Variants in CHFR observed in about 807,000 individuals in gnomAD.
CHFR encodes the protein checkpoint with forkhead and ring finger domains.
A neutral mutation model predicts 87.6 loss-of-function variants in CHFR; 57 were observed. The ratio of observed to expected loss-of-function variants is 0.65; its 90% CI spans 0.53 to 0.81. The LOEUF (loss-of-function observed/expected upper bound fraction) is 0.81. CHFR is among the 30% of genes least tolerant of loss of function. CHFR has a pLI of 0.00. For missense variants in CHFR, 797 were observed against 865.8 expected (o/e 0.92, Z 1.00); for synonymous variants, 381 against 359.2 (o/e 1.06, Z -0.69).
At chr12:132,868,300 C>T (rs1420152821) in intron 6 of CHFR, among the ~76,000 whole-genome samples, 8 of 152,164 alleles carry the variant, frequency 5.3e-5, no homozygotes, top group African/African-American at 7.2e-5. Flanking sequence ...ACCATCCTGG[C>T]TAACACGGTG....
intron 6 of CHFR, chr12:132,866,158 T>C (rs1951330783): frequency 6.6e-6 from 1 of 152,182 alleles, no homozygotes; most frequent in Non-Finnish European, 1.5e-5. Flanking sequence ...TCTCCAGAAA[T>C]ATCAGGTGGA....
intron 11 of CHFR, among the ~76,000 whole-genome samples, chr12:132,852,098 T>G (rs1950960648): frequency 6.6e-6 from 1 of 151,714 alleles, no homozygotes; most frequent in South Asian, 2.1e-4. Context: ...ATTCTCCTGC[T>G]TTAGCCTCCC....
At position 132,848,154 on chromosome 12, in the gene CHFR, C is replaced by T. The variant is rs777921940; in HGVS notation, c.1578G>A (p.Glu526=). Residue 526 remains glutamate (E), a splice_region_variant and synonymous_variant, in exon 14 of 18, where the codon GAG becomes GAA. Coordinates refer to ENST00000450056, the MANE Select transcript of CHFR (RefSeq NM_001161346.2). ...CCAGACACTTGTCACCCAGGTTGAG[C>T]TCTGCCGAGATGAAGGGGCAATGTT... ...GCYGCLAPFC[E]LNLGDKCLDG... is the part of the protein sequence containing the mutation. The T allele has an allele frequency of 6.2e-7, 1 of 1,614,082 alleles. No homozygotes were observed. The highest frequency in any genetic ancestry group is 8.5e-7 in the Non-Finnish European group (1 of 1,179,986).
At chr12:132,869,914 G>T in intron 5 of CHFR, 116 bp from the exon 6 acceptor site, 2 of 1,257,990 alleles carry the variant, frequency 1.6e-6, no homozygotes, top group Non-Finnish European at 1.1e-6. Context: ...TCTTAAGAAT[G>T]CAACAGCCCC....
intron 4 of CHFR, among the ~76,000 whole-genome samples, chr12:132,871,436 A>G (rs1951486602): frequency 6.8e-6 from 1 of 147,998 alleles, no homozygotes; most frequent in South Asian, 2.1e-4. Flanking sequence ...TCCGCAACAG[A>G]GCAGAGCGAG....
chr12:132,866,798 T>C (rs1951355232), intron 6 of CHFR: 1 of 152,254 alleles, frequency 6.6e-6, no homozygotes, highest in African/African-American at 2.4e-5. Flanking sequence ...TGGGATGTCA[T>C]CCATCAGACT....
At chr12:132,847,427 G>A in intron 14 of CHFR, 2 of 1,174,414 alleles carry the variant, frequency 1.7e-6, no homozygotes, top group South Asian at 1.9e-5. Context: ...CCAGGCCACA[G>A]TGCACACAGC....
chr12:132,864,746 C>T (rs1566191776), intron 6 of CHFR, among the ~76,000 whole-genome samples: 1 of 152,204 alleles, frequency 6.6e-6, no homozygotes, highest in South Asian at 2.1e-4. Context: ...ACCCGGCCTC[C>T]CAAAGTGCTG....
At chr12:132,887,384 A>G in intron 1 of CHFR, 44 bp from the exon 2 acceptor site, 1 of 1,234,908 alleles carries the variant, frequency 8.1e-7, no homozygotes, top group East Asian at 3.2e-5. Flanking sequence ...CCGACCCCAG[A>G]GGCCGAGACT....
Position 132,835,166 on chromosome 12 carries a change from A to T in CHFR, c.*6388T>A, listed in dbSNP as rs1289958982. The T allele has an allele frequency of 6.6e-6, 1 of 152,182 alleles. No homozygotes were observed. Among genetic ancestry groups the T allele is most frequent in the East Asian group, 1.9e-4 (1 of 5,196 alleles). 9.4% of individuals were successfully genotyped at this position (152,182 alleles called of 1,614,324 possible). ...GGCAACATCATCACAGGCTCAAGTG[A>T]TCGGATACGGGTATCTGTGGTGGCG... is the stretch of plus-strand genomic sequence containing the variant. On this transcript the variant is annotated 3_prime_UTR_variant, in exon 18 of 18. Transcript: ENST00000450056.
At position 132,836,788 on chromosome 12, in the gene CHFR, A is replaced by C; in HGVS notation, c.*4766T>G. ...GTGCCGCGGGAAAGATTTCAAGCCC[A>C]GGGGACGGCTCATCAGCTCATCAGA... On this transcript the variant is annotated 3_prime_UTR_variant, in exon 18 of 18. Transcript: ENST00000450056. The C allele has an allele frequency of 2.2e-6, 1 of 456,012 alleles. No homozygotes were observed. The highest frequency in any genetic ancestry group is 1.5e-5 in the South Asian group (1 of 64,558). 28.2% of individuals were successfully genotyped at this position (456,012 alleles called of 1,614,324 possible).
Position 132,841,452 on chromosome 12 carries a change from C to G in CHFR, c.*102G>C. 1 of 1,035,530 alleles carries G rather than the reference C, an allele frequency of 9.7e-7. No homozygotes were observed. The highest frequency in any genetic ancestry group is 1.5e-6 in the Non-Finnish European group (1 of 654,778). The allele number at this position is 1,035,530 out of a possible 1,614,324, so 64.1% of individuals were successfully genotyped here. A position where few individuals can be genotyped will look rare whatever the true frequency, so the allele number is the denominator to read the frequency against. Reference sequence around the variant, plus strand: ...CCTGTCGGAGACCCTGCGTCCCTTCCCTCAGGGGGCTGTGAAAACACCTTG... The same window carrying G: ...CCTGTCGGAGACCCTGCGTCCCTTCGCTCAGGGGGCTGTGAAAACACCTTG... On this transcript the variant is annotated 3_prime_UTR_variant, in exon 18 of 18. Coordinates refer to ENST00000450056, the MANE Select transcript of CHFR (RefSeq NM_001161346.2).
intron 2 of CHFR, among the ~76,000 whole-genome samples, chr12:132,878,691 C>T (rs1951690799): frequency 6.7e-6 from 1 of 149,482 alleles, no homozygotes; most frequent in Non-Finnish European, 1.5e-5. Context: ...TGGTGGCGGG[C>T]GCCTTGTAAT....
At chr12:132,874,551 AC>A (rs2137035337) in intron 3 of CHFR, among the ~76,000 whole-genome samples, 1 of 129,738 alleles carries the variant, frequency 7.7e-6, no homozygotes, top group African/African-American at 2.9e-5. Flanking sequence ...AGGCCCCGGA[AC>A]AGGCGGGACT....
At chr12:132,847,913 A>G (rs1050037583) in intron 14 of CHFR, 172 bp downstream of exon 14, 1 of 1,456,784 alleles carries the variant, frequency 6.9e-7, no homozygotes, top group African/African-American at 1.4e-5. Context: ...ACAAACACCA[A>G]TGGCATGCAG....
intron 7 of CHFR, 67 bp downstream of exon 7, chr12:132,861,400 G>A: frequency 1.3e-6 from 2 of 1,524,768 alleles, no homozygotes; most frequent in South Asian, 2.4e-5. Flanking sequence ...CACGGAGCAT[G>A]GCAGCGGCCC....
rs112455194 is a variant in CHFR at position 132,837,101 on chromosome 12, G to A, written c.*4453C>T. 5 of 315,392 alleles carry A rather than the reference G, an allele frequency of 1.6e-5. No homozygotes were observed. Among genetic ancestry groups the A allele is most frequent in the African/African-American group, 8.8e-5 (4 of 45,510 alleles). 19.5% of individuals were successfully genotyped at this position (315,392 alleles called of 1,614,324 possible). A position where few individuals can be genotyped will look rare whatever the true frequency, so the allele number is the denominator to read the frequency against. ...GCTGTTTGTGAGAATTAGCTGGTTC[G>A]GTGGAGAAGCAGAGGAACACCTGAG... On this transcript the variant is annotated 3_prime_UTR_variant, in exon 18 of 18. Coordinates refer to ENST00000450056, the MANE Select transcript of CHFR (RefSeq NM_001161346.2).
At position 132,848,705 on chromosome 12, in the gene CHFR, AG is replaced by A; in HGVS notation, c.1511del (p.Pro504LeufsTer35). 6.3e-7 allele frequency: 1 copy of A among 1,588,656 alleles called. No individual in the cohort carries two copies. Among genetic ancestry groups the A allele is most frequent in the Non-Finnish European group, 8.6e-7 (1 of 1,167,582 alleles). ...APQQCAVCLQ[P>X]FCHLYWGCTR... ...TGCAGCCCCAGTACAGGTGGCAGAAAGGCTGCAGGCAGACCGCACCTGTGGA... is the reference window on the plus strand; with the variant it reads ...TGCAGCCCCAGTACAGGTGGCAGAAAGCTGCAGGCAGACCGCACCTGTGGA... On this transcript the variant is annotated frameshift_variant, in exon 13 of 18. Coordinates refer to ENST00000450056, the MANE Select transcript of CHFR (RefSeq NM_001161346.2). LOFTEE classifies it high-confidence loss of function.
intron 2 of CHFR, among the ~76,000 whole-genome samples, chr12:132,880,426 G>A (rs375022775): frequency 1.2e-4 from 18 of 150,672 alleles, no homozygotes; most frequent in African/African-American, 3.5e-4. Context: ...GGAGGCCAAG[G>A]GGGGGGCGGA....
Sources: gnomAD v4.1 joint callset for allele counts (sites outside exome capture counted in the v4.1 genomes callset) on GRCh38, gnomAD v4.1.1 for gene constraint, MANE v1.5 for transcripts, NCBI Gene and HGNC (gene_info 2026-07-23, HGNC 2026-07-21) for gene names.